The following BTG3 variants were observed in gnomAD, a reference collection of about 807,000 sequenced individuals.
The protein encoded by BTG3 is protein BTG3.
Under a neutral mutation model 25.8 loss-of-function variants are expected in BTG3, and 4 were observed. That is an observed-to-expected ratio of 0.16 (90% confidence interval 0.08 to 0.36). The LOEUF is 0.36. Among genes scored for constraint, BTG3 ranks in the 10% least tolerant of loss-of-function variants. The pLI, the probability that BTG3 is intolerant of heterozygous loss-of-function variation, is 1.00. For synonymous variants in BTG3, 107 were observed against 99.9 expected, an observed-to-expected ratio of 1.07 and a Z score of -0.42; for missense variants, 201 against 304.9, an observed-to-expected ratio of 0.66 and a Z score of 2.54.
intron 3 of BTG3, among the ~76,000 whole-genome samples, chr21:17,602,004 G>A (rs1428549613): frequency 6.6e-6 from 1 of 152,074 alleles, no homozygotes; most frequent in African/African-American, 2.4e-5. Flanking sequence ...ATGTGCAGTC[G>A]ATATCTTAGG....
chr21:17,594,723 C>A (rs2061482149), intron 4 of BTG3, among the ~76,000 whole-genome samples: 1 of 152,094 alleles, frequency 6.6e-6, no homozygotes, highest in South Asian at 2.1e-4. Flanking sequence ...AGGCCATTAT[C>A]CTTAGCAAAC....
intron 4 of BTG3, among the ~76,000 whole-genome samples, chr21:17,596,379 A>G (rs1458719054): frequency 1.3e-5 from 2 of 152,008 alleles, no homozygotes; most frequent in African/African-American, 4.8e-5. Context: ...AATAAAGATT[A>G]TATTTCCCTA....
At chr21:17,601,355 T>C (rs1164800339) in intron 3 of BTG3, among the ~76,000 whole-genome samples, 1 of 152,088 alleles carries the variant, frequency 6.6e-6, no homozygotes, top group Non-Finnish European at 1.5e-5. Flanking sequence ...TGACTCTTCG[T>C]AGTATAAAAT....
chr21:17,606,423 A>AT (rs2061643588), intron 2 of BTG3, among the ~76,000 whole-genome samples: 1 of 152,188 alleles, frequency 6.6e-6, no homozygotes, highest in African/African-American at 2.4e-5. Flanking sequence ...ATTTTCTAGT[A>AT]TGTAAAATAC....
In BTG3 at chr21:17,607,399, A is replaced by T. The variant is rs111838240; in HGVS notation, c.173+1573T>A. On this transcript the variant is annotated intron_variant, in intron 2 of 4. Coordinates refer to ENST00000348354, the MANE Select transcript of BTG3 (RefSeq NM_006806.5). ...GGAAATGAAAATATGCAAAAAAAAAATTAAGATAATCAAGAGATAAGATAA... is the reference window on the plus strand; with the variant it reads ...GGAAATGAAAATATGCAAAAAAAAATTTAAGATAATCAAGAGATAAGATAA... 8.4e-3 allele frequency among the ~76,000 whole-genome samples: 1,277 copies of T among 152,294 alleles called. 25 individuals carry two copies. The highest frequency in any genetic ancestry group is 0.029 in the African/African-American group (1,198 of 41,566).
Position 17,606,700 on chromosome 21 carries a change from T to TACTG in BTG3, c.174-1704_174-1703insCAGT, listed in dbSNP as rs144769781. Among the ~76,000 whole-genome samples the TACTG allele has an allele frequency of 6.3e-3, 956 of 152,272 alleles. 57 individuals carry two copies. The East Asian group carries it at 0.13, about 21-fold the overall frequency. ...TTGTACTATTTTTTTTCACTCTACA[T>TACTG]ACTACTTATCCATTAACTACTCTTC... is the stretch of plus-strand genomic sequence containing the variant. On this transcript the variant is annotated intron_variant, in intron 2 of 4. Coordinates refer to ENST00000348354, the MANE Select transcript of BTG3 (RefSeq NM_006806.5).
At chr21:17,604,807 T>C in intron 3 of BTG3, 53 bp downstream of exon 3, 2 of 1,577,662 alleles carry the variant, frequency 1.3e-6, no homozygotes, top group South Asian at 2.3e-5. Context: ...CAGAATGTCA[T>C]AAAATTAGTT....
intron 4 of BTG3, 81 bp from the exon 5 acceptor site, chr21:17,594,413 A>C (rs1371370164): frequency 9.4e-7 from 1 of 1,062,188 alleles, no homozygotes; most frequent in Admixed American, 2.3e-5. Context: ...AAAGACAAAC[A>C]AAGTTACCCA....
At chr21:17,600,365 AAG>A (rs1260451127) in intron 3 of BTG3, among the ~76,000 whole-genome samples, 1 of 152,234 alleles carries the variant, frequency 6.6e-6, no homozygotes, top group Non-Finnish European at 1.5e-5. Flanking sequence ...AGTTTGAAAA[AAG>A]ATAAAAATAA....
At position 17,612,799 on chromosome 21, in the gene BTG3, CAG is replaced by C. The variant is rs1471814179; in HGVS notation, c.-111_-110del. ...GCCTCAACGGGCCCGCGCTGGGCAA[CAG>C]GGAGCGCAGCGAGCCTCGTCCGGCG... On this transcript the variant is annotated 5_prime_UTR_variant, in exon 1 of 5. Transcript: ENST00000348354. The C allele has an allele frequency of 6.6e-6, 1 of 152,152 alleles. No individual in the cohort carries two copies. The highest frequency in any genetic ancestry group is 2.4e-5 in the African/African-American group (1 of 41,440). 9.4% of individuals were successfully genotyped at this position (152,152 alleles called of 1,614,324 possible).
Position 17,608,466 on chromosome 21 carries a change from C to T in BTG3, c.173+506G>A, listed in dbSNP as rs548867999. Among the ~76,000 whole-genome samples, 308 of 151,896 alleles carry T rather than the reference C, an allele frequency of 2.0e-3. 4 individuals are homozygous for T. The highest frequency in any genetic ancestry group is 7.2e-3 in the African/African-American group (298 of 41,420). On this transcript the variant is annotated intron_variant, in intron 2 of 4. Coordinates refer to ENST00000348354, the MANE Select transcript of BTG3 (RefSeq NM_006806.5). Reference sequence around the variant, plus strand: ...GTCACATTCATCTAGAAAATAGTTACACTGACTTCTACCACAAATATATAA... The same window carrying T: ...GTCACATTCATCTAGAAAATAGTTATACTGACTTCTACCACAAATATATAA...
intron 4 of BTG3, among the ~76,000 whole-genome samples, chr21:17,595,079 T>G (rs556882732): frequency 1.3e-5 from 2 of 151,946 alleles, no homozygotes; most frequent in African/African-American, 4.8e-5. Flanking sequence ...ATCTCAGAAC[T>G]AGAGGCCAGG....
intron 2 of BTG3, among the ~76,000 whole-genome samples, chr21:17,606,663 A>G (rs2061646816): frequency 6.6e-6 from 1 of 152,040 alleles, no homozygotes; most frequent in Admixed American, 6.5e-5. Context: ...AAATCTGCAT[A>G]CCTTACATGT....
At chr21:17,600,044 G>A (rs1357654299) in intron 3 of BTG3, among the ~76,000 whole-genome samples, 2 of 151,850 alleles carry the variant, frequency 1.3e-5, no homozygotes, top group African/African-American at 2.4e-5. Flanking sequence ...TTTTTTTAAG[G>A]TAAGATGAAA....
chr21:17,598,929 G>A, intron 3 of BTG3, 105 bp from the exon 4 acceptor site: 1 of 856,164 alleles, frequency 1.2e-6, no homozygotes, highest in Non-Finnish European at 1.8e-6. Context: ...ACAAGGCAAA[G>A]ATTGAATCAT....
rs550897240 is a variant in BTG3, at chr21:17,603,503, C to G, written c.311+1357G>C. Reference sequence around the variant, plus strand: ...ATGGAAGAATAATCATGTAATTCATCTCTCCTGTCTTCACCTCCACCTTCA... The same window carrying G: ...ATGGAAGAATAATCATGTAATTCATGTCTCCTGTCTTCACCTCCACCTTCA... On this transcript the variant is annotated intron_variant, in intron 3 of 4. Transcript: ENST00000348354. 3.9e-5 allele frequency among the ~76,000 whole-genome samples: 6 copies of G among 152,282 alleles called. 1 individual carries two copies. The East Asian group carries it at 9.6e-4, about 24-fold the overall frequency.
intron 2 of BTG3, among the ~76,000 whole-genome samples, chr21:17,605,886 A>C (rs998054684): frequency 5.3e-5 from 8 of 152,206 alleles, no homozygotes; most frequent in African/African-American, 1.9e-4. Flanking sequence ...TAGTTAAGTC[A>C]CTGTACCTCT....
At chr21:17,602,280 T>C (rs1056263383) in intron 3 of BTG3, among the ~76,000 whole-genome samples, 7 of 152,226 alleles carry the variant, frequency 4.6e-5, no homozygotes, top group Non-Finnish European at 1.0e-4. Flanking sequence ...TTTCTAACTA[T>C]ATGGCACTCT....
intron 3 of BTG3, among the ~76,000 whole-genome samples, chr21:17,604,492 C>A (rs1168294392): frequency 6.6e-6 from 1 of 151,954 alleles, no homozygotes; most frequent in Non-Finnish European, 1.5e-5. Context: ...AGAAACAAAC[C>A]AAAAGTGGTT....
Sources: gnomAD v4.1 joint callset for allele counts (sites outside exome capture counted in the v4.1 genomes callset) on GRCh38, gnomAD v4.1.1 for gene constraint, MANE v1.5 for transcripts, NCBI Gene and HGNC (gene_info 2026-07-23, HGNC 2026-07-21) for gene names.